Variants in COL19A1 observed in about 807,000 individuals in gnomAD.
COL19A1 encodes the protein collagen alpha-1(XIX) chain.
In COL19A1, 159 loss-of-function variants were observed where a neutral mutation model predicts 190.2. The ratio of observed to expected loss-of-function variants is 0.84; its 90% CI spans 0.73 to 0.95. COL19A1 has a LOEUF of 0.95. Among genes scored for constraint, COL19A1 ranks in the 40% least tolerant of loss-of-function variants. The pLI, the probability that COL19A1 is intolerant of heterozygous loss-of-function variation, is 0.00. For missense variants in COL19A1, 1,418 were observed against 1,431.9 expected, an observed-to-expected ratio of 0.99 and a Z score of 0.16; for synonymous variants, 509 against 458.9, an observed-to-expected ratio of 1.11 and a Z score of -1.39.
At chr6:70,112,512 T>C (rs1428943235) in intron 16 of COL19A1, among the ~76,000 whole-genome samples, 1 of 152,152 alleles carries the variant, frequency 6.6e-6, no homozygotes, top group East Asian at 1.9e-4. Flanking sequence ...TTTTTCTAAC[T>C]ATCATGCCAT....
At chr6:69,949,719 T>A (rs1199941116) in intron 9 of COL19A1, among the ~76,000 whole-genome samples, 1 of 151,914 alleles carries the variant, frequency 6.6e-6, no homozygotes, top group Non-Finnish European at 1.5e-5. Context: ...AATATGTGCA[T>A]CTTCCAGAGT....
At chr6:70,205,573 G>A (rs1767802188) in intron 49 of COL19A1, among the ~76,000 whole-genome samples, 1 of 152,190 alleles carries the variant, frequency 6.6e-6, no homozygotes, top group East Asian at 1.9e-4. Context: ...GACAAGGAGT[G>A]ATCTTTAAGG....
chr6:70,197,203 G>A (rs1276266694), intron 48 of COL19A1, among the ~76,000 whole-genome samples: 6 of 151,838 alleles, frequency 4.0e-5, no homozygotes, highest in African/African-American at 7.3e-5. Context: ...GGTGGATCAC[G>A]AGGTCAGGAG....
At chr6:70,033,393 T>A (rs1459346661) in intron 12 of COL19A1, among the ~76,000 whole-genome samples, 1 of 152,150 alleles carries the variant, frequency 6.6e-6, no homozygotes, top group Non-Finnish European at 1.5e-5. Context: ...TACTTCTTTC[T>A]TCTATTATTG....
In COL19A1 at chr6:69,898,972, T is replaced by A. The variant is rs144395671; in HGVS notation, c.116T>A (p.Ile39Lys). Residue 39 changes from isoleucine (I) to lysine (K), a missense_variant, in exon 3 of 51, where the codon ATA becomes AAA. Ile to Lys is a moderately radical substitution (Grantham distance 102, BLOSUM62 -3). Transcript: ENST00000620364. ...GAAGAGTCATGCCCTATCCTGAGAA[T>A]AGAGGGACATCAGCTGACATATGAC... is the stretch of plus-strand genomic sequence containing the variant. The part of the protein sequence containing the change: ...KTEESCPILR[I>K]EGHQLTYDNI... The A allele has an allele frequency of 1.3e-5, 21 of 1,611,832 alleles. No homozygotes were observed. The highest frequency in any genetic ancestry group is 1.8e-5 in the Non-Finnish European group (21 of 1,178,344).
chr6:69,961,642 A>T (rs776876784), intron 10 of COL19A1, among the ~76,000 whole-genome samples: 1 of 152,198 alleles, frequency 6.6e-6, no homozygotes, highest in Non-Finnish European at 1.5e-5. Flanking sequence ...CAACTGACAT[A>T]TATTCTTTCC....
At chr6:70,055,068 A>G (rs568215397) in intron 14 of COL19A1, among the ~76,000 whole-genome samples, 30 of 152,284 alleles carry the variant, frequency 2.0e-4, no homozygotes, top group Non-Finnish European at 3.8e-4. Context: ...CTCCAAATCA[A>G]TTTTTTTAAA....
intron 9 of COL19A1, among the ~76,000 whole-genome samples, chr6:69,942,021 C>A (rs1333744487): frequency 6.6e-6 from 1 of 152,124 alleles, no homozygotes; most frequent in Admixed American, 6.6e-5. Context: ...ATGTTCCTTG[C>A]ATTGTTTTAC....
intron 1 of COL19A1, among the ~76,000 whole-genome samples, chr6:69,872,233 C>T (rs943994837): frequency 6.6e-6 from 1 of 152,002 alleles, no homozygotes; most frequent in African/African-American, 2.4e-5. Flanking sequence ...GCTCTGTGAC[C>T]AGAGTGGTAC....
intron 13 of COL19A1, among the ~76,000 whole-genome samples, chr6:70,034,579 G>C (rs910673263): frequency 1.4e-4 from 21 of 152,306 alleles, no homozygotes; most frequent in African/African-American, 5.1e-4. Flanking sequence ...AAATTAGCAA[G>C]TGTGACCTGT....
At position 70,207,183 on chromosome 6, in the gene COL19A1, C is replaced by T. The variant is rs781333550; in HGVS notation, c.3338C>T (p.Pro1113Leu). 9.9e-6 allele frequency: 16 copies of T among 1,612,998 alleles called. No homozygotes were observed. The Admixed American group carries it at 2.5e-4, about 25-fold the overall frequency. Reference protein sequence around the residue: ...GLPGSPGAPGPQGPPGPSGRC... With the variant: ...GLPGSPGAPGLQGPPGPSGRC... ...CCAGGCTCACCAGGTGCCCCAGGCC[C>T]ACAGGGCCCCCCAGGACCCAGTGGA... Residue 1113 changes from proline to leucine, a missense_variant, in exon 51 of 51, where the codon CCA becomes CTA. Transcript: ENST00000620364.
At chr6:69,880,584 T>A (rs966776432) in intron 2 of COL19A1, among the ~76,000 whole-genome samples, 2 of 152,248 alleles carry the variant, frequency 1.3e-5, no homozygotes, top group Non-Finnish European at 2.9e-5. Flanking sequence ...AAAATATAAT[T>A]ACTCATAAAG....
At chr6:69,979,576 G>T (rs1582589463) in intron 11 of COL19A1, among the ~76,000 whole-genome samples, 1 of 151,752 alleles carries the variant, frequency 6.6e-6, no homozygotes, top group East Asian at 1.9e-4. Context: ...AATGAAATAT[G>T]CAGAATTTAG....
chr6:70,141,904 G>T lies in COL19A1; in HGVS notation c.1494G>T (p.Gly498=). ...TATTTTATTTACAGGGAGAACCTGGGGTAATAGGATCACAGGGAGTAAAGG... is the reference window on the plus strand; with the variant it reads ...TATTTTATTTACAGGGAGAACCTGGTGTAATAGGATCACAGGGAGTAAAGG... ...KGEKGDRGEP[G]VIGSQGVKGE... Residue 498 remains glycine (G), a synonymous_variant, in exon 21 of 51, where the codon GGG becomes GGT. Transcript: ENST00000620364. 2 of 1,595,086 alleles carry T rather than the reference G, an allele frequency of 1.3e-6. No individual in the cohort carries two copies. The highest frequency in any genetic ancestry group is 1.7e-6 in the Non-Finnish European group (2 of 1,163,236).
chr6:70,001,344 CT>C, intron 11 of COL19A1, among the ~76,000 whole-genome samples: 1 of 152,222 alleles, frequency 6.6e-6, no homozygotes, highest in South Asian at 2.1e-4. Context: ...ATTGTCTTGG[CT>C]ATATGGGGTA....
At chr6:69,914,296 G>T (rs955664615) in intron 4 of COL19A1, among the ~76,000 whole-genome samples, 1 of 152,162 alleles carries the variant, frequency 6.6e-6, no homozygotes, top group Non-Finnish European at 1.5e-5. Context: ...TGGGAGGAAG[G>T]CATTTCAGAC....
chr6:70,204,474 T>C (rs1189878808), intron 49 of COL19A1, among the ~76,000 whole-genome samples: 1 of 152,210 alleles, frequency 6.6e-6, no homozygotes, highest in Non-Finnish European at 1.5e-5. Flanking sequence ...ATTATTAACC[T>C]AATGAACTGA....
intron 16 of COL19A1, among the ~76,000 whole-genome samples, chr6:70,118,990 A>C (rs1235506186): frequency 2.0e-5 from 3 of 152,284 alleles, no homozygotes; most frequent in South Asian, 4.2e-4. Context: ...TCTGTAAAGG[A>C]TCATATCCCA....
chr6:70,147,499 C>T (rs766560689), intron 27 of COL19A1, among the ~76,000 whole-genome samples: 5 of 151,990 alleles, frequency 3.3e-5, no homozygotes, highest in African/African-American at 7.3e-5. Flanking sequence ...AGACATAAAA[C>T]GTTTTTGAAC....
Sources: gnomAD v4.1 joint callset for allele counts (sites outside exome capture counted in the v4.1 genomes callset) on GRCh38, gnomAD v4.1.1 for gene constraint, MANE v1.5 for transcripts, NCBI Gene and HGNC (gene_info 2026-07-23, HGNC 2026-07-21) for gene names.